Variants in MAP3K21 observed in about 807,000 individuals in gnomAD.
MAP3K21 encodes mitogen-activated protein kinase kinase kinase MLK4.
In MAP3K21, 63 loss-of-function variants were observed where a neutral mutation model predicts 86.1. The ratio of observed to expected loss-of-function variants is 0.73; its 90% CI spans 0.60 to 0.90. The LOEUF is 0.90. MAP3K21 is among the 40% of genes least tolerant of loss of function. The pLI is 0.00. For synonymous variants in MAP3K21, 558 were observed against 564.8 expected (o/e 0.99, Z 0.17); for missense variants, 1,220 against 1,367.7 (o/e 0.89, Z 1.70).
chr1:233,357,999 C>T (rs1164246061), intron 4 of MAP3K21, among the ~76,000 whole-genome samples: 1 of 151,892 alleles, frequency 6.6e-6, no homozygotes, highest in Non-Finnish European at 1.5e-5. Context: ...CTCCCTCACC[C>T]CCCACCAGGA....
chr1:233,376,463 G>A lies in MAP3K21; in HGVS notation c.1860G>A (p.Trp620Ter). The A allele has an allele frequency of 6.2e-7, 1 of 1,613,648 alleles. No homozygotes were observed. The highest frequency in any genetic ancestry group is 8.5e-7 in the Non-Finnish European group (1 of 1,179,740). Residue 620 changes from tryptophan to a stop codon, truncating the protein, a stop_gained, in exon 8 of 10, where the codon TGG becomes TGA. Transcript: ENST00000366624. LOFTEE classifies it high-confidence loss of function. ...CTCTCTCCGATGGCAACAGTCCTTG[G>A]TCAACTATCTTAATAAAAAATCAGA... ...IRPLSDGNSP[W>*]STILIKNQKT...
At chr1:233,340,543 T>C (rs1663022562) in intron 1 of MAP3K21, among the ~76,000 whole-genome samples, 1 of 151,924 alleles carries the variant, frequency 6.6e-6, no homozygotes, top group Non-Finnish European at 1.5e-5. Flanking sequence ...GTGTGGGCTT[T>C]ACTCCCTAGG....
Position 233,327,876 on chromosome 1 carries a change from G to A in MAP3K21, c.-153G>A. 1.9e-6 allele frequency: 1 copy of A among 528,882 alleles called. No homozygotes were observed. Among genetic ancestry groups the A allele is most frequent in the Non-Finnish European group, 2.8e-6 (1 of 352,924 alleles). 32.8% of individuals were successfully genotyped at this position (528,882 alleles called of 1,614,324 possible). On this transcript the variant is annotated 5_prime_UTR_variant, in exon 1 of 10. Transcript: ENST00000366624. ...GGGCCGAGGCTGGACCCTTTGGGCA[G>A]CTAGCCCGTGATCTCTGCCGTCACC...
intron 4 of MAP3K21, among the ~76,000 whole-genome samples, chr1:233,361,551 C>T (rs372383289): frequency 1.3e-5 from 2 of 152,002 alleles, no homozygotes; most frequent in South Asian, 4.2e-4. Flanking sequence ...TTGTAAATAC[C>T]CTAAAGAAAT....
rs753389176 is a variant in MAP3K21, at chr1:233,382,412, A to T, written c.2812A>T (p.Thr938Ser). 5 of 1,614,092 alleles carry T rather than the reference A, an allele frequency of 3.1e-6. No homozygotes were observed. The highest frequency in any genetic ancestry group is 4.2e-6 in the Non-Finnish European group (5 of 1,180,010). ...PREVSPKKHSTVHIVPQRRPA... is the reference protein window; with the variant it reads ...PREVSPKKHSSVHIVPQRRPA... Reference sequence around the variant, plus strand: ...GGAGGTCTCACCCAAGAAGCACAGCACTGTCCACATCGTGCCTCAGCGTCG... The same window carrying T: ...GGAGGTCTCACCCAAGAAGCACAGCTCTGTCCACATCGTGCCTCAGCGTCG... Residue 938 changes from threonine to serine, a missense_variant, in exon 10 of 10, where the codon ACT becomes TCT. By Grantham distance (58) the Thr-to-Ser change is moderately conservative. Around this residue, in one of 5 missense-constraint regions of MAP3K21, gnomAD observed 632 missense variants for 691.3 expected, o/e 0.91. Transcript: ENST00000366624.
At chr1:233,329,594 C>T (rs1177472168) in intron 1 of MAP3K21, among the ~76,000 whole-genome samples, 1 of 151,674 alleles carries the variant, frequency 6.6e-6, no homozygotes, top group Non-Finnish European at 1.5e-5. Flanking sequence ...GCGGAAGTTG[C>T]AGTGAGCCAA....
Position 233,382,890 on chromosome 1 carries a change from G to GT in MAP3K21, c.*184dup. On this transcript the variant is annotated 3_prime_UTR_variant, in exon 10 of 10. Transcript: ENST00000366624. ...ATGATTGCTGTTAGCCATGTCTATT[G>GT]TTTTTCCTCTGGATTCTTTTCTTAT... 1 of 566,086 alleles carries GT rather than the reference G, an allele frequency of 1.8e-6. No individual in the cohort carries two copies. 35.1% of individuals were successfully genotyped at this position (566,086 alleles called of 1,614,324 possible).
chr1:233,339,267 C>CTT (rs1162305447), intron 1 of MAP3K21, among the ~76,000 whole-genome samples: 501 of 24,980 alleles, frequency 0.02, 40 homozygotes, highest in East Asian at 0.037. Flanking sequence ...TCTTCTTCTT[C>CTT]CTCTTCTTCT....
Position 233,382,439 on chromosome 1 carries a change from C to G in MAP3K21, c.2839C>G (p.Pro947Ala), listed in dbSNP as rs1306187590. Residue 947 changes from proline to alanine, a missense_variant, in exon 10 of 10, where the codon CCT becomes GCT. Pro to Ala is a conservative substitution (Grantham distance 27). This residue lies in a region of MAP3K21 where 632 missense variants were observed against 691.3 expected (regional missense o/e 0.91). Coordinates refer to ENST00000366624, the MANE Select transcript of MAP3K21 (RefSeq NM_032435.3). ...TGTCCACATCGTGCCTCAGCGTCGC[C>G]CTGCCTCCCTGAGAAGCCGCTCAGA... ...STVHIVPQRR[P>A]ASLRSRSDLP... The G allele has an allele frequency of 6.2e-7, 1 of 1,614,136 alleles. No individual in the cohort carries two copies. Among genetic ancestry groups the G allele is most frequent in the Non-Finnish European group, 8.5e-7 (1 of 1,180,030 alleles).
Position 233,362,276 on chromosome 1 carries a change from G to T in MAP3K21, c.1535G>T (p.Arg512Leu), listed in dbSNP as rs1346049843. The T allele has an allele frequency of 1.2e-6, 2 of 1,614,044 alleles. No homozygotes were observed. Among genetic ancestry groups the T allele is most frequent in the Non-Finnish European group, 1.7e-6 (2 of 1,180,034 alleles). The change falls in exon 5 of 10, where the codon CGA becomes CTA. Residue 512 changes from arginine (R) to leucine (L), a missense_variant. Transcript: ENST00000366624. Reference sequence around the variant, plus strand: ...CGTTTAAAGCTCAAAGATGGACATCGAATCAGTTTACCTTCAGGTATGATC... The same window carrying T: ...CGTTTAAAGCTCAAAGATGGACATCTAATCAGTTTACCTTCAGGTATGATC... ...RSRLKLKDGH[R>L]ISLPSDFQHK...
At chr1:233,349,177 T>G (rs1286033504) in intron 2 of MAP3K21, among the ~76,000 whole-genome samples, 1 of 152,152 alleles carries the variant, frequency 6.6e-6, no homozygotes, top group African/African-American at 2.4e-5. Context: ...GCGTGTGTGT[T>G]TTTATAAACC....
chr1:233,331,779 C>G (rs958472277), intron 1 of MAP3K21, among the ~76,000 whole-genome samples: 5 of 152,150 alleles, frequency 3.3e-5, no homozygotes, highest in African/African-American at 1.2e-4. Context: ...TAGATCTTCT[C>G]AAGTTTTATC....
intron 6 of MAP3K21, among the ~76,000 whole-genome samples, chr1:233,375,601 T>C (rs1460587060): frequency 6.6e-6 from 1 of 152,234 alleles, no homozygotes; most frequent in Non-Finnish European, 1.5e-5. Flanking sequence ...AGTTTGGTGA[T>C]TTCCCTCCCA....
In MAP3K21 at chr1:233,379,604, G is replaced by T. The variant is rs146000030; in HGVS notation, c.2598G>T (p.Pro866=). ...DTDCSVSRNL[P]SSFLQQTCGN... is the part of the protein sequence containing the mutation. ...ATTGTAGTGTATCAAGAAACTTGCC[G>T]TCTTCCTTCCTACAGCAGACATGTG... Residue 866 remains proline (P), a synonymous_variant, in exon 9 of 10, where the codon CCG becomes CCT. Transcript: ENST00000366624. 3.1e-6 allele frequency: 5 copies of T among 1,614,004 alleles called. No individual in the cohort carries two copies. The highest frequency in any genetic ancestry group is 2.7e-5 in the African/African-American group (2 of 74,920).
rs1296134892 is a variant in MAP3K21, at chr1:233,376,525, C to G, written c.1922C>G (p.Pro641Arg). The G allele has an allele frequency of 1.2e-6, 2 of 1,606,798 alleles. No homozygotes were observed. Among genetic ancestry groups the G allele is most frequent in the South Asian group, 2.2e-5 (2 of 90,546 alleles). The change falls in exon 8 of 10, where the codon CCA becomes CGA. Residue 641 changes from proline (P) to arginine (R), a missense_variant and splice_region_variant. Around this residue, in one of 5 missense-constraint regions of MAP3K21, gnomAD observed 632 missense variants for 691.3 expected, o/e 0.91. Transcript: ENST00000366624. The stretch of plus-strand genomic sequence containing the variant: ...TTGGCTTCATTGTTTGTGGACCAGC[C>G]AGGTAAATGTGTTTCAGGAGGTAGG... ...MPLASLFVDQ[P>R]GSCEEPKLSP...
intron 5 of MAP3K21, among the ~76,000 whole-genome samples, chr1:233,371,072 A>G (rs1274304918): frequency 6.6e-6 from 1 of 152,148 alleles, no homozygotes; most frequent in Non-Finnish European, 1.5e-5. Flanking sequence ...CTCTGGTAAT[A>G]TTGCTTTCTC....
chr1:233,346,956 G>T (rs956908915), intron 2 of MAP3K21, among the ~76,000 whole-genome samples: 11 of 152,154 alleles, frequency 7.2e-5, no homozygotes, highest in African/African-American at 2.7e-4. Context: ...GCTCATTGTA[G>T]CCTCAACCTC....
Position 233,362,197 on chromosome 1 carries a change from C to T in MAP3K21, c.1456C>T (p.Leu486=). Residue 486 remains leucine (L), a synonymous_variant, in exon 5 of 10, where the codon CTA becomes TTA. Coordinates refer to ENST00000366624, the MANE Select transcript of MAP3K21 (RefSeq NM_032435.3). ...GGAACTTAACATTCTGATATTCCAG[C>T]TAAACCAGGAGAAGCCCAAGGTAAA... ...ERELNILIFQ[L]NQEKPKVKKR... is the part of the protein sequence containing the mutation. 1 of 1,614,190 alleles carries T rather than the reference C, an allele frequency of 6.2e-7. No homozygotes were observed. Among genetic ancestry groups the T allele is most frequent in the Non-Finnish European group, 8.5e-7 (1 of 1,180,050 alleles).
At chr1:233,330,159 A>G (rs1662784367) in intron 1 of MAP3K21, among the ~76,000 whole-genome samples, 1 of 152,218 alleles carries the variant, frequency 6.6e-6, no homozygotes, top group Non-Finnish European at 1.5e-5. Flanking sequence ...CTAATGTAGC[A>G]TTTTCACTGG....
Sources: gnomAD v4.1 joint callset for allele counts (sites outside exome capture counted in the v4.1 genomes callset) on GRCh38, gnomAD v4.1.1 for gene constraint, gnomAD v4.1.1 regional missense constraint, MANE v1.5 for transcripts, NCBI Gene and HGNC (gene_info 2026-07-23, HGNC 2026-07-21) for gene names.